BBX: variants seen among roughly 807,000 people sequenced by gnomAD.
BBX encodes the protein HMG box transcription factor BBX.
A neutral mutation model predicts 100.2 loss-of-function variants in BBX; 30 were observed. The ratio of observed to expected loss-of-function variants is 0.30; its 90% CI spans 0.22 to 0.41. BBX has a LOEUF of 0.41. Among genes scored for constraint, BBX ranks in the 10% least tolerant of loss-of-function variants. BBX has a pLI of 1.00. For missense variants in BBX, 1,023 were observed against 1,129.8 expected (o/e 0.91, Z 1.35); for synonymous variants, 376 against 388.1 (o/e 0.97, Z 0.37).
intron 2 of BBX, 65 bp downstream of exon 2, chr3:107,526,463 AT>A (rs1188985219): frequency 5.0e-6 from 2 of 397,884 alleles, no homozygotes; most frequent in Non-Finnish European, 8.9e-6. Flanking sequence ...AAGGGTCTTT[AT>A]TGTTCACAGA....
chr3:107,583,940 A>AAG (rs1559839057), intron 2 of BBX, among the ~76,000 whole-genome samples: 9 of 78,178 alleles, frequency 1.2e-4, no homozygotes, highest in African/African-American at 4.9e-4. Flanking sequence ...TATATATATT[A>AAG]TATATATTAT....
chr3:107,546,056 A>C (rs2049216861), intron 2 of BBX, among the ~76,000 whole-genome samples: 1 of 152,170 alleles, frequency 6.6e-6, no homozygotes, highest in Non-Finnish European at 1.5e-5. Context: ...GGTCATGCTT[A>C]ACCCACTGGC....
At chr3:107,717,946 G>T (rs1403541373) in intron 5 of BBX, among the ~76,000 whole-genome samples, 2 of 151,858 alleles carry the variant, frequency 1.3e-5, no homozygotes, top group Non-Finnish European at 2.9e-5. Context: ...AAATGAACCA[G>T]CAGGGGACAA....
intron 7 of BBX, among the ~76,000 whole-genome samples, chr3:107,740,814 G>A (rs2064032484): frequency 6.6e-6 from 1 of 151,666 alleles, no homozygotes; most frequent in South Asian, 2.1e-4. Context: ...CACACAGAGT[G>A]AAGGCTGCCT....
intron 2 of BBX, among the ~76,000 whole-genome samples, chr3:107,576,904 A>G (rs1203976365): frequency 3.9e-5 from 6 of 152,070 alleles, no homozygotes; most frequent in Admixed American, 6.5e-5. Context: ...CTCTGTCTCC[A>G]GGCTGTAGTG....
At chr3:107,603,043 A>G (rs1213048793) in intron 2 of BBX, among the ~76,000 whole-genome samples, 1 of 152,086 alleles carries the variant, frequency 6.6e-6, no homozygotes, top group Non-Finnish European at 1.5e-5. Context: ...AGCTCACTGC[A>G]AGCTCCACCT....
chr3:107,572,682 CAAAT>C (rs2051459201), intron 2 of BBX, among the ~76,000 whole-genome samples: 1 of 152,066 alleles, frequency 6.6e-6, no homozygotes, highest in African/African-American at 2.4e-5. Context: ...TATCAACCCT[CAAAT>C]AAAAATTATA....
At chr3:107,716,439 A>G in intron 4 of BBX, 168 bp from the exon 5 acceptor site, 1 of 775,698 alleles carries the variant, frequency 1.3e-6, no homozygotes, top group Non-Finnish European at 2.0e-6. Context: ...TAAGTTAGTT[A>G]CCAACCATGA....
At chr3:107,583,944 ATAT>A (rs1232659226) in intron 2 of BBX, among the ~76,000 whole-genome samples, 13 of 76,790 alleles carry the variant, frequency 1.7e-4, no homozygotes, top group East Asian at 3.3e-4. Flanking sequence ...TATATTATAT[ATAT>A]TATTATATTA....
At chr3:107,730,474 T>C (rs946798587) in intron 6 of BBX, among the ~76,000 whole-genome samples, 2 of 144,854 alleles carry the variant, frequency 1.4e-5, no homozygotes, top group Non-Finnish European at 3.0e-5. Flanking sequence ...GGTATGTAGT[T>C]TGTTGTTGTT....
intron 7 of BBX, among the ~76,000 whole-genome samples, chr3:107,734,108 A>G (rs1442059079): frequency 1.3e-5 from 2 of 152,112 alleles, no homozygotes; most frequent in Non-Finnish European, 2.9e-5. Flanking sequence ...TTTAGTTGTG[A>G]TTATGTCATA....
At chr3:107,748,740 A>G (rs1008592339) in intron 9 of BBX, among the ~76,000 whole-genome samples, 1 of 152,194 alleles carries the variant, frequency 6.6e-6, no homozygotes, top group Non-Finnish European at 1.5e-5. Context: ...TGAAAATAAG[A>G]TGCTATCTGC....
intron 15 of BBX, 65 bp downstream of exon 15, chr3:107,791,364 T>C (rs2069008490): frequency 2.2e-6 from 3 of 1,367,702 alleles, no homozygotes; most frequent in Non-Finnish European, 3.1e-6. Flanking sequence ...GTTGTATAGG[T>C]TTTTAAAAGG....
chr3:107,748,625 G>C (rs1305261395), intron 9 of BBX, among the ~76,000 whole-genome samples: 2 of 152,188 alleles, frequency 1.3e-5, no homozygotes. Context: ...GTGTGCTGCA[G>C]AGACAAATCT....
intron 2 of BBX, among the ~76,000 whole-genome samples, chr3:107,644,172 A>T (rs1390374273): frequency 6.7e-6 from 1 of 148,850 alleles, no homozygotes; most frequent in African/African-American, 2.5e-5. Flanking sequence ...GTACCTGAAG[A>T]TTAATGAGTT....
chr3:107,766,488 G>C (rs1276200336), intron 10 of BBX, among the ~76,000 whole-genome samples: 1 of 151,986 alleles, frequency 6.6e-6, no homozygotes, highest in African/African-American at 2.4e-5. Context: ...AAGCCAACAA[G>C]AAACAAGAGA....
At chr3:107,583,895 T>G (rs2107558773) in intron 2 of BBX, among the ~76,000 whole-genome samples, 1 of 124,262 alleles carries the variant, frequency 8.0e-6, no homozygotes, top group East Asian at 2.2e-4. Flanking sequence ...ATATTATATA[T>G]AAAGTATAAA....
At chr3:107,534,121 A>G (rs993182089) in intron 2 of BBX, among the ~76,000 whole-genome samples, 1 of 152,246 alleles carries the variant, frequency 6.6e-6, no homozygotes, top group Non-Finnish European at 1.5e-5. Context: ...ATAGACTGGA[A>G]CTGTTAATGC....
rs145336154 is a variant in BBX at position 107,798,558 on chromosome 3, G to T, written c.2389G>T (p.Val797Phe). The change falls in exon 16 of 18, where the codon GTT becomes TTT. Residue 797 changes from valine (V) to phenylalanine (F), a missense_variant. By Grantham distance (50) the Val-to-Phe change is conservative. Around this residue, in one of 9 missense-constraint regions of BBX, gnomAD observed 215 missense variants for 211.3 expected, o/e 1.02. Coordinates refer to ENST00000325805, the MANE Select transcript of BBX (RefSeq NM_001142568.3). ...AGAAGACAGAAACACCATGGAGCCTGTTCATAAGGTTAAAAATATCCCATC... is the reference window on the plus strand; with the variant it reads ...AGAAGACAGAAACACCATGGAGCCTTTTCATAAGGTTAAAAATATCCCATC... ...FSEDRNTMEP[V>F]HKVKNIPSIF... 1 of 1,614,004 alleles carries T rather than the reference G, an allele frequency of 6.2e-7. No individual in the cohort carries two copies. The highest frequency in any genetic ancestry group is 1.7e-5 in the Admixed American group (1 of 60,016).
Sources: gnomAD v4.1 joint callset for allele counts (sites outside exome capture counted in the v4.1 genomes callset) on GRCh38, gnomAD v4.1.1 for gene constraint, gnomAD v4.1.1 regional missense constraint, MANE v1.5 for transcripts, NCBI Gene and HGNC (gene_info 2026-07-23, HGNC 2026-07-21) for gene names.